XRRA1: variants seen among roughly 807,000 people sequenced by gnomAD.
XRRA1 encodes X-ray radiation resistance associated 1.
XRRA1 carries 69 observed loss-of-function variants against 80.2 expected under a neutral mutation model. That is an observed-to-expected ratio of 0.86 (90% confidence interval 0.71 to 1.05). The LOEUF (loss-of-function observed/expected upper bound fraction) is 1.05. XRRA1 is among the 50% of genes least tolerant of loss of function. The pLI is 0.00. For missense variants in XRRA1, 967 were observed against 976.4 expected, an observed-to-expected ratio of 0.99 and a Z score of 0.13; for synonymous variants, 348 against 389.9, an observed-to-expected ratio of 0.89 and a Z score of 1.27.
At position 74,843,928 on chromosome 11, in the gene XRRA1, T is replaced by C. The variant is rs201413717; in HGVS notation, c.2075A>G (p.Lys692Arg). The C allele has an allele frequency of 1.9e-6, 3 of 1,613,590 alleles. No homozygotes were observed. Among genetic ancestry groups the C allele is most frequent in the Non-Finnish European group, 2.5e-6 (3 of 1,179,792 alleles). Residue 692 changes from lysine to arginine, a missense_variant, in exon 18 of 19, where the codon AAG becomes AGG. Transcript: ENST00000684022. ...AQRIPIPPPKKTRAQLLDDIF... is the reference protein window; with the variant it reads ...AQRIPIPPPKRTRAQLLDDIF... The stretch of plus-strand genomic sequence containing the variant: ...GTCATCCAGAAGTTGGGCTCTAGTC[T>C]TCTTTGGGGGTGGAATCGGGATTCT...
At position 74,845,146 on chromosome 11, in the gene XRRA1, G is replaced by C. The variant is rs773089785; in HGVS notation, c.1854C>G (p.Phe618Leu). The change falls in exon 16 of 19, where the codon TTC (phenylalanine) becomes TTG (leucine). Residue 618 changes from phenylalanine (F) to leucine (L), a missense_variant. Physicochemically the swap from Phe to Leu is conservative, Grantham distance 22 (BLOSUM62 0). Transcript: ENST00000684022. ...KGTRRKLPTA[F>L]LPSKYHGYEE... is the part of the protein sequence containing the mutation. ...CATAGCCGTGGTACTTGCTGGGAAG[G>C]AAGGCAGTTGGGAGTTTCCTCCGAG... The C allele has an allele frequency of 1.9e-6, 3 of 1,614,066 alleles. No individual in the cohort carries two copies. Among genetic ancestry groups the C allele is most frequent in the Admixed American group, 1.7e-5 (1 of 60,034 alleles).
At chr11:74,876,209 T>C (rs956886064) in intron 10 of XRRA1, 4 of 152,144 alleles carry the variant, frequency 2.6e-5, no homozygotes, top group Non-Finnish European at 4.4e-5. Context: ...ATCATCTCCA[T>C]TGTGCTTGGA....
intron 10 of XRRA1, among the ~76,000 whole-genome samples, chr11:74,890,765 C>T (rs1214908948): frequency 1.3e-5 from 2 of 152,196 alleles, no homozygotes; most frequent in East Asian, 3.8e-4. Flanking sequence ...TCAGAGAATA[C>T]TATAAACACC....
In XRRA1 at chr11:74,946,421, C is replaced by T. The variant is rs180873224; in HGVS notation, c.-72-1336G>A. 2.6e-5 allele frequency among the ~76,000 whole-genome samples: 4 copies of T among 152,314 alleles called. No homozygotes were observed. In the East Asian group the frequency reaches 5.8e-4, roughly 22 times the overall value. On this transcript the variant is annotated intron_variant, in intron 1 of 18. Coordinates refer to ENST00000684022, the MANE Select transcript of XRRA1 (RefSeq NM_001378157.1). ...CCTCACCATAGTGAGTGAGCTCTCA[C>T]GAGATCTGATGGTTTTATAACTGAC...
chr11:74,878,972 TTA>T (rs2046785685), intron 10 of XRRA1, among the ~76,000 whole-genome samples: 1 of 150,748 alleles, frequency 6.6e-6, no homozygotes, highest in Non-Finnish European at 1.5e-5. Flanking sequence ...CATATGAACT[TTA>T]AAGTAGTTTT....
intron 10 of XRRA1, among the ~76,000 whole-genome samples, chr11:74,900,823 T>C (rs1395896143): frequency 6.6e-6 from 1 of 152,178 alleles, no homozygotes; most frequent in Non-Finnish European, 1.5e-5. Context: ...TTAAAAGCTA[T>C]ATATGACAGA....
chr11:74,864,674 A>C (rs2043017507), intron 10 of XRRA1, among the ~76,000 whole-genome samples: 1 of 152,210 alleles, frequency 6.6e-6, no homozygotes, highest in African/African-American at 2.4e-5. Flanking sequence ...AGTGCACACT[A>C]GTGCCTTGGT....
chr11:74,883,255 G>A (rs1049717629), intron 10 of XRRA1, among the ~76,000 whole-genome samples: 2 of 152,144 alleles, frequency 1.3e-5, no homozygotes, highest in African/African-American at 4.8e-5. Context: ...CAGTATTTGG[G>A]TGGGAGTGAC....
intron 7 of XRRA1, among the ~76,000 whole-genome samples, chr11:74,922,310 A>G (rs1025461503): frequency 5.3e-5 from 8 of 152,018 alleles, no homozygotes; most frequent in Non-Finnish European, 1.0e-4. Context: ...TATGAGGACA[A>G]TAACCCCAAA....
chr11:74,872,240 A>G (rs560712952), intron 10 of XRRA1, among the ~76,000 whole-genome samples: 21 of 152,338 alleles, frequency 1.4e-4, no homozygotes, highest in African/African-American at 5.1e-4. Flanking sequence ...CCTTTATGGA[A>G]AGGCTGAGAG....
intron 18 of XRRA1, 59 bp downstream of exon 18, chr11:74,843,795 C>A (rs1421199875): frequency 2.0e-6 from 3 of 1,468,226 alleles, no homozygotes; most frequent in Middle Eastern, 1.8e-4. Flanking sequence ...CCTTTCTTTG[C>A]CTTTAGCCAG....
intron 7 of XRRA1, among the ~76,000 whole-genome samples, chr11:74,923,059 G>A (rs1164351535): frequency 6.6e-6 from 1 of 152,150 alleles, no homozygotes; most frequent in Non-Finnish European, 1.5e-5. Context: ...GACCAATCAG[G>A]GCACAAAGGA....
intron 13 of XRRA1, 108 bp from the exon 14 acceptor site, chr11:74,851,311 T>G (rs938758102): frequency 1.3e-6 from 1 of 745,978 alleles, no homozygotes; most frequent in Non-Finnish European, 2.1e-6. Flanking sequence ...CTGAAACTTA[T>G]TCTCAACCCT....
chr11:74,942,814 G>C (rs969303565), intron 2 of XRRA1, among the ~76,000 whole-genome samples: 1 of 152,224 alleles, frequency 6.6e-6, no homozygotes, highest in African/African-American at 2.4e-5. Context: ...AACTCATGCT[G>C]CTCATTTTCC....
chr11:74,934,979 A>G (rs1345315976), intron 4 of XRRA1, among the ~76,000 whole-genome samples: 1 of 152,188 alleles, frequency 6.6e-6, no homozygotes, highest in Non-Finnish European at 1.5e-5. Flanking sequence ...AAAGAACACC[A>G]ATGTTATTCA....
At chr11:74,868,210 C>T (rs916347449) in intron 10 of XRRA1, among the ~76,000 whole-genome samples, 25 of 152,100 alleles carry the variant, frequency 1.6e-4, no homozygotes, top group Non-Finnish European at 3.2e-4. Context: ...TGAGCCACTG[C>T]GCTGGGCTCA....
chr11:74,906,016 CA>C (rs1310359655), intron 10 of XRRA1, among the ~76,000 whole-genome samples: 2 of 152,202 alleles, frequency 1.3e-5, no homozygotes, highest in African/African-American at 2.4e-5. Flanking sequence ...CACATTTTAT[CA>C]GGCAAGCATA....
At chr11:74,923,067 G>C (rs1374500922) in intron 7 of XRRA1, among the ~76,000 whole-genome samples, 1 of 152,226 alleles carries the variant, frequency 6.6e-6, no homozygotes, top group Non-Finnish European at 1.5e-5. Flanking sequence ...AGGGCACAAA[G>C]GAAGGATATG....
chr11:74,851,008 T>A, intron 14 of XRRA1, 80 bp downstream of exon 14: 1 of 1,067,442 alleles, frequency 9.4e-7, no homozygotes, highest in Non-Finnish European at 1.3e-6. Flanking sequence ...AGTGAGCAGC[T>A]CTACAGCCAG....
Sources: gnomAD v4.1 joint callset for allele counts (sites outside exome capture counted in the v4.1 genomes callset) on GRCh38, gnomAD v4.1.1 for gene constraint, MANE v1.5 for transcripts, NCBI Gene and HGNC (gene_info 2026-07-23, HGNC 2026-07-21) for gene names.